Variants in CDC40 observed in about 807,000 individuals in gnomAD.
The protein encoded by CDC40 is cell division cycle 40.
A neutral mutation model predicts 80.6 loss-of-function variants in CDC40; 27 were observed. That is an observed-to-expected ratio of 0.33 (90% CI 0.25 to 0.46). The LOEUF (loss-of-function observed/expected upper bound fraction) is 0.46, where lower values mean the gene tolerates loss of function less well. Ranked by LOEUF, CDC40 falls within the 20% of genes least tolerant of loss-of-function variation. CDC40 has a pLI of 1.00. For missense variants in CDC40, 486 were observed against 694.1 expected (o/e 0.70, Z 3.37); for synonymous variants, 221 against 232.6 (o/e 0.95, Z 0.45).
Position 110,210,748 on chromosome 6 carries a change from GA to G in CDC40, c.678del (p.Gly227GlufsTer99), listed in dbSNP as rs1176145037. ...ELDEITAKRQKKGKQEEEKPG... is the reference protein window; with the variant it reads ...ELDEITAKRQXKGKQEEEKPG... ...TGGATGAAATCACAGCAAAGAGGCA[GA>G]AAAAAGGAAAACAGGAAGAAGAGAA... On this transcript the variant is annotated frameshift_variant, in exon 6 of 15. Coordinates refer to ENST00000307731, the MANE Select transcript of CDC40 (RefSeq NM_015891.3). LOFTEE classifies it high-confidence loss of function. The G allele has an allele frequency of 8.2e-6, 13 of 1,580,844 alleles. No homozygotes were observed. The highest frequency in any genetic ancestry group is 3.7e-5 in the Admixed American group (2 of 54,352).
At chr6:110,220,482 C>T (rs1316080824) in intron 12 of CDC40, among the ~76,000 whole-genome samples, 1 of 113,432 alleles carries the variant, frequency 8.8e-6, no homozygotes, top group African/African-American at 3.4e-5. Flanking sequence ...CGGATTCTTG[C>T]TGTGCCACCC....
rs116295598 is a variant in CDC40, at chr6:110,201,911, A to G, written c.406+224A>G. Among the ~76,000 whole-genome samples the G allele has an allele frequency of 2.7e-3, 404 of 152,312 alleles. 1 individual carries two copies. The highest frequency in any genetic ancestry group is 9.4e-3 in the African/African-American group (392 of 41,572). ...ACTGTGATTTCTGAGTACTGGAAAT[A>G]TTCTGTGATCTTAACCAGAATGCTC... On this transcript the variant is annotated intron_variant, in intron 3 of 14. Transcript: ENST00000307731.
intron 2 of CDC40, among the ~76,000 whole-genome samples, chr6:110,200,538 A>C (rs910748490): frequency 3.9e-5 from 6 of 152,122 alleles, no homozygotes; most frequent in Admixed American, 1.3e-4. Context: ...AAAGAGTTGG[A>C]TTTTCCCAGT....
intron 2 of CDC40, 132 bp downstream of exon 2, chr6:110,193,400 T>C (rs1777377063): frequency 3.4e-6 from 2 of 593,538 alleles, no homozygotes; most frequent in Admixed American, 6.2e-5. Context: ...AAATACATGC[T>C]TCTTTTTTGT....
chr6:110,209,064 T>A lies in CDC40; in HGVS notation c.491-20T>A, dbSNP rs1246208988. The A allele has an allele frequency of 5.0e-5, 59 of 1,177,404 alleles. No individual in the cohort carries two copies. Among genetic ancestry groups the A allele is most frequent in the Middle Eastern group, 2.2e-4 (1 of 4,482 alleles). The allele number at this position is 1,177,404 out of a possible 1,614,324, so 72.9% of individuals were successfully genotyped here. On this transcript the variant is annotated intron_variant, in intron 4 of 14. Transcript: ENST00000307731. ...TGTAATCTCTCAGTTTTTTTTTTAA[T>A]TTTTTTTTTGTTAACGTAGGTTTAA...
chr6:110,214,408 T>G (rs1777674359), intron 8 of CDC40, among the ~76,000 whole-genome samples: 2 of 152,142 alleles, frequency 1.3e-5, no homozygotes, highest in Non-Finnish European at 2.9e-5. Flanking sequence ...GATATGCTGG[T>G]TTCAAAGAGG....
chr6:110,222,431 C>T (rs1204090220), intron 12 of CDC40, among the ~76,000 whole-genome samples: 4 of 151,976 alleles, frequency 2.6e-5, no homozygotes, highest in South Asian at 4.2e-4. Flanking sequence ...GTGGCAGGCG[C>T]GTGTAATCCC....
chr6:110,207,613 A>G lies in CDC40; in HGVS notation c.490+24A>G, dbSNP rs772708895. ...AGGTAATTTATTTGAAACATTTGAT[A>G]TCATATATACCTACACATCTATAAT... On this transcript the variant is annotated intron_variant, in intron 4 of 14. Transcript: ENST00000307731. The G allele has an allele frequency of 3.4e-6, 4 of 1,163,846 alleles. No homozygotes were observed. In the East Asian group the frequency reaches 9.4e-5, roughly 27 times the overall value. 72.1% of individuals were successfully genotyped at this position (1,163,846 alleles called of 1,614,324 possible).
rs117347239 is a variant in CDC40, at chr6:110,217,940, C to T, written c.1090+137C>T. The T allele has an allele frequency of 1.6e-3, 855 of 532,828 alleles. 2 individuals carry two copies. The highest frequency in any genetic ancestry group is 2.5e-3 in the Non-Finnish European group (756 of 297,912). 33.0% of individuals were successfully genotyped at this position (532,828 alleles called of 1,614,324 possible). On this transcript the variant is annotated intron_variant, in intron 10 of 14. Coordinates refer to ENST00000307731, the MANE Select transcript of CDC40 (RefSeq NM_015891.3). ...TACCATTCACTGTCAGCAAATATCA[C>T]AAAATACATTTGTAAGTCGAAACTG...
intron 1 of CDC40, among the ~76,000 whole-genome samples, chr6:110,190,175 A>G (rs546724583): frequency 4.6e-5 from 7 of 152,346 alleles, no homozygotes; most frequent in Admixed American, 6.5e-5. Flanking sequence ...GACCACAAAC[A>G]AAAACCCAAC....
At chr6:110,201,034 T>G (rs1242427756) in intron 2 of CDC40, among the ~76,000 whole-genome samples, 1 of 152,188 alleles carries the variant, frequency 6.6e-6, no homozygotes, top group East Asian at 1.9e-4. Flanking sequence ...GGAATTCTGA[T>G]TAATCTTTCC....
chr6:110,198,163 C>A (rs116834067), intron 2 of CDC40, among the ~76,000 whole-genome samples: 2,913 of 150,496 alleles, frequency 0.019, 93 homozygotes, highest in African/African-American at 0.068. Context: ...TGAGTACTTT[C>A]TCAAATACCT....
At chr6:110,219,284 G>A (rs1171339811) in intron 10 of CDC40, 80 bp from the exon 11 acceptor site, 2 of 618,212 alleles carry the variant, frequency 3.2e-6, no homozygotes, top group Non-Finnish European at 5.7e-6. Context: ...TTAAGCAGGT[G>A]ACCTCTAGAT....
At position 110,220,688 on chromosome 6, in the gene CDC40, G is replaced by A. The variant is rs367945742; in HGVS notation, c.1340+819G>A. ...TCTCGATTTCCTGACCTTATGATCC[G>A]CCCACCTTGGCCTCCCAAAGTGCTG... On this transcript the variant is annotated intron_variant, in intron 12 of 14. Transcript: ENST00000307731. 3.7e-3 allele frequency among the ~76,000 whole-genome samples: 569 copies of A among 152,138 alleles called. 4 individuals are homozygous for A. The highest frequency in any genetic ancestry group is 5.9e-3 in the Non-Finnish European group (401 of 68,000).
At chr6:110,197,582 C>T (rs1777434335) in intron 2 of CDC40, among the ~76,000 whole-genome samples, 1 of 151,310 alleles carries the variant, frequency 6.6e-6, no homozygotes, top group African/African-American at 2.4e-5. Context: ...AAAACCCCTC[C>T]ATCCCATTCC....
intron 2 of CDC40, among the ~76,000 whole-genome samples, chr6:110,196,767 T>C (rs1305721309): frequency 6.6e-6 from 1 of 152,160 alleles, no homozygotes; most frequent in East Asian, 1.9e-4. Flanking sequence ...ACTAATATTT[T>C]TATGCCTTAC....
chr6:110,229,004 C>T (rs757725036), intron 14 of CDC40, 28 bp downstream of exon 14: 18 of 1,551,730 alleles, frequency 1.2e-5, no homozygotes, highest in African/African-American at 6.9e-5. Flanking sequence ...AATCCATTCT[C>T]GTATTCAAAT....
At chr6:110,187,292 A>C (rs530545679) in intron 1 of CDC40, among the ~76,000 whole-genome samples, 1 of 152,370 alleles carries the variant, frequency 6.6e-6, no homozygotes, top group African/African-American at 2.4e-5. Context: ...CTTTAAGGTT[A>C]CAAAAACAAA....
chr6:110,209,170 T>C lies in CDC40; in HGVS notation c.577T>C (p.Leu193=). The change falls in exon 5 of 15, where the codon TTG becomes CTG. Residue 193 remains leucine, a synonymous_variant. Coordinates refer to ENST00000307731, the MANE Select transcript of CDC40 (RefSeq NM_015891.3). ...ENDASNIDGF[L]GPWAKYVDEK... Reference sequence around the variant, plus strand: ...TGATGCATCCAATATTGATGGTTTTTTGGGACCATGGGCAAAATATGTGGA... The same window carrying C: ...TGATGCATCCAATATTGATGGTTTTCTGGGACCATGGGCAAAATATGTGGA... The C allele has an allele frequency of 6.2e-7, 1 of 1,612,298 alleles. No individual in the cohort carries two copies. The highest frequency in any genetic ancestry group is 8.5e-7 in the Non-Finnish European group (1 of 1,178,548).
Sources: gnomAD v4.1 joint callset for allele counts (sites outside exome capture counted in the v4.1 genomes callset) on GRCh38, gnomAD v4.1.1 for gene constraint, MANE v1.5 for transcripts, NCBI Gene and HGNC (gene_info 2026-07-23, HGNC 2026-07-21) for gene names.